The following TM7SF3 variants were observed in gnomAD, a reference collection of about 807,000 sequenced individuals.
TM7SF3 encodes seven span transmembrane protein.
TM7SF3 carries 60 observed loss-of-function variants against 65.5 expected under a neutral mutation model. The ratio of observed to expected loss-of-function variants is 0.92; its 90% CI spans 0.74 to 1.14. TM7SF3 has a LOEUF of 1.14. Ranked by LOEUF, TM7SF3 falls within the 50% of genes most tolerant of loss-of-function variation. The pLI is 0.00. For missense variants in TM7SF3, 623 were observed against 684.8 expected, an observed-to-expected ratio of 0.91 and a Z score of 1.01; for synonymous variants, 264 against 259.6, an observed-to-expected ratio of 1.02 and a Z score of -0.16.
At position 27,013,995 on chromosome 12, in the gene TM7SF3, C is replaced by G. The variant is rs538639368; in HGVS notation, c.91+83G>C. The G allele has an allele frequency of 5.8e-6, 7 of 1,202,628 alleles. No homozygotes were observed. The African/African-American group carries it at 9.0e-5, about 16-fold the overall frequency. 74.5% of individuals were successfully genotyped at this position (1,202,628 alleles called of 1,614,324 possible). On this transcript the variant is annotated intron_variant, in intron 1 of 11. Transcript: ENST00000343028. Reference sequence around the variant, plus strand: ...CCCCCAGCACCATCTCCCTGCTAGGCTGACAGACCCCTGGCGGATTTTGAC... The same window carrying G: ...CCCCCAGCACCATCTCCCTGCTAGGGTGACAGACCCCTGGCGGATTTTGAC...
At chr12:26,985,257 G>A (rs527271719) in intron 6 of TM7SF3, among the ~76,000 whole-genome samples, 1 of 152,294 alleles carries the variant, frequency 6.6e-6, no homozygotes. Flanking sequence ...AGCACTTTGG[G>A]AGGCTGAGGC....
intron 5 of TM7SF3, among the ~76,000 whole-genome samples, chr12:26,994,199 T>G (rs1361816090): frequency 6.6e-6 from 1 of 152,200 alleles, no homozygotes; most frequent in Non-Finnish European, 1.5e-5. Flanking sequence ...TAACAGAGCT[T>G]CTTATTTTGT....
chr12:26,981,071 C>A (rs1401768163), intron 7 of TM7SF3, among the ~76,000 whole-genome samples: 4 of 152,100 alleles, frequency 2.6e-5, no homozygotes, highest in Non-Finnish European at 5.9e-5. Flanking sequence ...AAAAGAAACC[C>A]AAACTGTCCC....
At position 26,991,141 on chromosome 12, in the gene TM7SF3, C is replaced by CTTT. The variant is rs35362439; in HGVS notation, c.691-517_691-515dup. ...GAGGTTTTGTTATGTAGTAGTAGTTCTTTTTTTTTTTTTTTTTTTTTTGAG... is the reference window on the plus strand; with the variant it reads ...GAGGTTTTGTTATGTAGTAGTAGTTCTTTTTTTTTTTTTTTTTTTTTTTTTGAG... On this transcript the variant is annotated intron_variant, in intron 5 of 11. Coordinates refer to ENST00000343028, the MANE Select transcript of TM7SF3 (RefSeq NM_016551.3). 6.5e-3 allele frequency among the ~76,000 whole-genome samples: 694 copies of CTTT among 107,412 alleles called. 1 individual carries two copies. Among genetic ancestry groups the CTTT allele is most frequent in the East Asian group, 9.4e-3 (32 of 3,392 alleles). The allele number at this position is 107,412 out of a possible 152,430, so 70.5% of individuals were successfully genotyped here. A position where few individuals can be genotyped will look rare whatever the true frequency, so the allele number is the denominator to read the frequency against.
At chr12:27,007,078 T>C (rs1442788803) in intron 1 of TM7SF3, among the ~76,000 whole-genome samples, 1 of 152,162 alleles carries the variant, frequency 6.6e-6, no homozygotes, top group African/African-American at 2.4e-5. Context: ...TATCCAGAAA[T>C]AAAAACAAAT....
chr12:26,973,115 T>C lies in TM7SF3; in HGVS notation c.*850A>G, dbSNP rs1484914568. 1 of 151,588 alleles carries C rather than the reference T, an allele frequency of 6.6e-6. No homozygotes were observed. The highest frequency in any genetic ancestry group is 1.9e-4 in the East Asian group (1 of 5,176). The allele number at this position is 151,588 out of a possible 1,614,324, so 9.4% of individuals were successfully genotyped here. ...AAAACAAAGGGTAACTTTTGGATAATGTATGATACTAAGAAGGGCATGCAA... is the reference window on the plus strand; with the variant it reads ...AAAACAAAGGGTAACTTTTGGATAACGTATGATACTAAGAAGGGCATGCAA... On this transcript the variant is annotated 3_prime_UTR_variant, in exon 12 of 12. Transcript: ENST00000343028.
chr12:26,980,491 G>T, intron 8 of TM7SF3, 75 bp downstream of exon 8: 4 of 800,428 alleles, frequency 5.0e-6, no homozygotes, highest in Non-Finnish European at 8.7e-6. Context: ...AGGCCAAACT[G>T]TAGAAGGAAA....
Position 26,980,599 on chromosome 12 carries a change from G to A in TM7SF3, c.1003C>T (p.Leu335=). ...FIIMGFFFYI[L]ITRLTPIKYD... is the part of the protein sequence containing the mutation. ...TTGATAGGTGTCAGTCTTGTAATCA[G>A]TATATAAAAGAAGAATCCCATGATG... The change falls in exon 8 of 12, where the codon CTG becomes TTG. Residue 335 remains leucine (L), a synonymous_variant. Transcript: ENST00000343028. The A allele has an allele frequency of 6.4e-7, 1 of 1,567,736 alleles. No individual in the cohort carries two copies. The highest frequency in any genetic ancestry group is 8.7e-7 in the Non-Finnish European group (1 of 1,143,564).
chr12:27,011,838 C>T (rs1478237659), intron 1 of TM7SF3, among the ~76,000 whole-genome samples: 1 of 152,030 alleles, frequency 6.6e-6, no homozygotes, highest in Non-Finnish European at 1.5e-5. Context: ...ATAATCATAG[C>T]AAAGAGGCAA....
intron 5 of TM7SF3, among the ~76,000 whole-genome samples, chr12:26,993,617 G>A (rs982832819): frequency 3.9e-5 from 6 of 152,156 alleles, no homozygotes; most frequent in Non-Finnish European, 5.9e-5. Flanking sequence ...CTTTTACAAT[G>A]AGAATTAATC....
At chr12:26,988,859 C>T (rs1940219433) in intron 6 of TM7SF3, among the ~76,000 whole-genome samples, 1 of 151,908 alleles carries the variant, frequency 6.6e-6, no homozygotes, top group Non-Finnish European at 1.5e-5. Flanking sequence ...CCTGAGACAG[C>T]AACAACAACC....
Position 26,982,947 on chromosome 12 carries a change from T to C in TM7SF3, c.869-88A>G, listed in dbSNP as rs1395104447. 4.4e-6 allele frequency: 4 copies of C among 914,646 alleles called. No homozygotes were observed. In the East Asian group the frequency reaches 8.2e-5, roughly 19 times the overall value. 56.7% of individuals were successfully genotyped at this position (914,646 alleles called of 1,614,324 possible). On this transcript the variant is annotated intron_variant, in intron 6 of 11. Transcript: ENST00000343028. ...TAGAACGAACCTTCATCAAAAAAGC[T>C]AAGTGAACTGACATAATTTATCCCA...
At chr12:27,011,303 C>T (rs1227454938) in intron 1 of TM7SF3, among the ~76,000 whole-genome samples, 1 of 152,182 alleles carries the variant, frequency 6.6e-6, no homozygotes, top group Non-Finnish European at 1.5e-5. Context: ...AGTCCAATTA[C>T]TATGAAATTC....
intron 6 of TM7SF3, among the ~76,000 whole-genome samples, chr12:26,985,751 T>G (rs1246061977): frequency 7.0e-6 from 1 of 143,292 alleles, no homozygotes; most frequent in African/African-American, 2.6e-5. Context: ...AAGATTGTCT[T>G]GAGTGGAAGA....
At chr12:27,000,529 A>G (rs1326234374) in intron 2 of TM7SF3, among the ~76,000 whole-genome samples, 1 of 151,984 alleles carries the variant, frequency 6.6e-6, no homozygotes, top group African/African-American at 2.4e-5. Context: ...GCGCGATCTC[A>G]GCTTACTACA....
At position 26,980,574 on chromosome 12, in the gene TM7SF3, T is replaced by A; in HGVS notation, c.1028A>T (p.Lys343Met). ...ATATAATTTTCACTTACCATCATAC[T>A]TGATAGGTGTCAGTCTTGTAATCAG... ...YILITRLTPI[K>M]YDVNLILTAV... The change falls in exon 8 of 12, where the codon AAG becomes ATG. Residue 343 changes from lysine (K) to methionine (M), a missense_variant. Lys to Met is a moderately conservative substitution (Grantham distance 95). Coordinates refer to ENST00000343028, the MANE Select transcript of TM7SF3 (RefSeq NM_016551.3). 1 of 1,491,512 alleles carries A rather than the reference T, an allele frequency of 6.7e-7. No homozygotes were observed. The highest frequency in any genetic ancestry group is 9.3e-7 in the Non-Finnish European group (1 of 1,073,022). 92.4% of individuals were successfully genotyped at this position (1,491,512 alleles called of 1,614,324 possible).
At chr12:27,005,506 T>A (rs80218501) in intron 1 of TM7SF3, among the ~76,000 whole-genome samples, 13,832 of 152,166 alleles carry the variant, frequency 0.091, 764 homozygotes, top group East Asian at 0.27. Context: ...CATGTCTATC[T>A]CCCATGACAT....
chr12:26,988,526 G>T (rs1332804832), intron 6 of TM7SF3, among the ~76,000 whole-genome samples: 1 of 152,082 alleles, frequency 6.6e-6, no homozygotes, highest in Non-Finnish European at 1.5e-5. Flanking sequence ...GTGCTAACGT[G>T]TGAATTAAAT....
At chr12:26,992,903 G>GTT (rs1940433479) in intron 5 of TM7SF3, among the ~76,000 whole-genome samples, 1 of 126,714 alleles carries the variant, frequency 7.9e-6, no homozygotes, top group African/African-American at 2.9e-5. Flanking sequence ...TTTCCCTAAT[G>GTT]TCTTTTTTTT....
Sources: allele counts gnomAD v4.1 joint callset (sites outside exome capture counted in the v4.1 genomes callset), GRCh38; gene constraint gnomAD v4.1.1; transcripts MANE v1.5; gene names NCBI Gene and HGNC (gene_info 2026-07-23, HGNC 2026-07-21).